POTEH: variants seen among roughly 807,000 people sequenced by gnomAD.
POTEH encodes the protein POTE ankyrin domain family member H.
A neutral mutation model predicts 41.7 loss-of-function variants in POTEH; 6 were observed. The ratio of observed to expected loss-of-function variants is 0.14; its 90% CI spans 0.08 to 0.28. The LOEUF (loss-of-function observed/expected upper bound fraction) is 0.28, where lower values mean the gene tolerates loss of function less well. Ranked by LOEUF, POTEH falls within the 10% of genes least tolerant of loss-of-function variation. The pLI, the probability that POTEH is intolerant of heterozygous loss-of-function variation, is 1.00. For synonymous variants in POTEH, 38 were observed against 179.9 expected, an observed-to-expected ratio of 0.21 and a Z score of 6.31; for missense variants, 115 against 533.5, an observed-to-expected ratio of 0.22 and a Z score of 7.73.
At chr22:15,692,167 G>T (rs1298386559) in intron 1 of POTEH, among the ~76,000 whole-genome samples, 1 of 131,524 alleles carries the variant, frequency 7.6e-6, no homozygotes, top group East Asian at 2.1e-4. Context: ...ACCACACCTG[G>T]CTAATTGTTT....
In POTEH at chr22:15,691,535, A is replaced by C. The variant is rs539859656; in HGVS notation, c.632+826A>C. ...AGCAAGACTCCGTCTCAAAAAAAAA[A>C]AAAAAAAAAAGTGAGCTTTTTCTAT... On this transcript the variant is annotated intron_variant, in intron 1 of 10. Transcript: ENST00000343518. Among the ~76,000 whole-genome samples the C allele has an allele frequency of 5.1e-5, 7 of 138,168 alleles. No homozygotes were observed. The East Asian group carries it at 1.4e-3, about 28-fold the overall frequency. 90.6% of individuals were successfully genotyped at this position (138,168 alleles called of 152,430 possible).
At chr22:15,711,465 T>C (rs1209965389) in intron 9 of POTEH, among the ~76,000 whole-genome samples, 4 of 150,334 alleles carry the variant, frequency 2.7e-5, no homozygotes, top group African/African-American at 9.9e-5. Flanking sequence ...TGAGTTCTCA[T>C]GTTTAGTTCC....
chr22:15,721,589 G>GCATATAATGCATA lies in POTEH; in HGVS notation c.*305_*306insCATATAATGCATA. On this transcript the variant is annotated 3_prime_UTR_variant, in exon 11 of 11. Transcript: ENST00000343518. ...CCCCCGGGCTGTCTTCCCTTCCATC[G>GCATATAATGCATA]TGGGGTGCCCCAGGCACCAGAACAT... The GCATATAATGCATA allele has an allele frequency of 6.6e-7, 1 of 1,521,176 alleles. No individual in the cohort carries two copies. Among genetic ancestry groups the GCATATAATGCATA allele is most frequent in the Non-Finnish European group, 8.9e-7 (1 of 1,125,560 alleles). The allele number at this position is 1,521,176 out of a possible 1,614,324, so 94.2% of individuals were successfully genotyped here.
At chr22:15,699,180 C>G (rs1359341941) in intron 4 of POTEH, among the ~76,000 whole-genome samples, 3 of 146,624 alleles carry the variant, frequency 2.0e-5, no homozygotes, top group Non-Finnish European at 4.5e-5. Context: ...ATCCTTTTGT[C>G]TTTTCAATGA....
chr22:15,691,951 A>G (rs1166322982), intron 1 of POTEH, among the ~76,000 whole-genome samples: 1 of 146,102 alleles, frequency 6.8e-6, no homozygotes, highest in Non-Finnish European at 1.5e-5. Context: ...ACATACCAGA[A>G]GAAAACACAA....
intron 9 of POTEH, among the ~76,000 whole-genome samples, chr22:15,716,658 AATT>A (rs1474543743): frequency 2.8e-5 from 1 of 36,302 alleles, no homozygotes; most frequent in Non-Finnish European, 5.4e-5. Context: ...CACTAATAAA[AATT>A]ATTATTTTGA....
chr22:15,692,009 A>AAATAAAAC (rs1409431481), intron 1 of POTEH, among the ~76,000 whole-genome samples: 163 of 128,330 alleles, frequency 1.3e-3, no homozygotes, highest in Non-Finnish European at 1.3e-3. Context: ...TATATATATA[A>AAATAAAAC]ATTTCTTTTT....
At chr22:15,692,944 AATAG>A (rs1362833058) in intron 1 of POTEH, among the ~76,000 whole-genome samples, 3 of 124,774 alleles carry the variant, frequency 2.4e-5, no homozygotes, top group African/African-American at 8.6e-5. Flanking sequence ...ATCTTCACCA[AATAG>A]ATGTCTGTTT....
At chr22:15,692,494 G>A (rs1364650282) in intron 1 of POTEH, among the ~76,000 whole-genome samples, 104 of 143,032 alleles carry the variant, frequency 7.3e-4, no homozygotes, top group African/African-American at 2.6e-3. Flanking sequence ...AGTGGCTTAC[G>A]CCTGTTACCC....
rs1989337076 is a variant in POTEH, at chr22:15,692,237, C to A, written c.632+1528C>A. On this transcript the variant is annotated intron_variant, in intron 1 of 10. Coordinates refer to ENST00000343518, the MANE Select transcript of POTEH (RefSeq NM_001136213.1). ...GGCCAGGCTGGTCTTGAACTCCTGT[C>A]CTCGTGATCCACCCACCTTGGCCTC... Among the ~76,000 whole-genome samples, 2 of 140,822 alleles carry A rather than the reference C, an allele frequency of 1.4e-5. 1 individual carries two copies. Among genetic ancestry groups the A allele is most frequent in the South Asian group, 4.5e-4 (2 of 4,414 alleles). 92.4% of individuals were successfully genotyped at this position (140,822 alleles called of 152,430 possible).
chr22:15,690,104 G>A lies in POTEH; in HGVS notation c.27G>A (p.Pro9=), dbSNP rs201564672. The A allele has an allele frequency of 1.2e-4, 169 of 1,402,304 alleles. 14 individuals are homozygous for A. The highest frequency in any genetic ancestry group is 3.2e-4 in the Admixed American group (16 of 50,744). 86.9% of individuals were successfully genotyped at this position (1,402,304 alleles called of 1,614,324 possible). Residue 9 remains proline, a synonymous_variant, in exon 1 of 11, where the codon CCG becomes CCA. Coordinates refer to ENST00000343518, the MANE Select transcript of POTEH (RefSeq NM_001136213.1). MVAEAGSM[P]AASSVKKPFG... Reference sequence around the variant, plus strand: ...TGGTGGCTGAGGCTGGTTCAATGCCGGCTGCCTCCTCTGTGAAGAAGCCAT... The same window carrying A: ...TGGTGGCTGAGGCTGGTTCAATGCCAGCTGCCTCCTCTGTGAAGAAGCCAT...
At chr22:15,697,136 T>A (rs1189624724) in intron 3 of POTEH, among the ~76,000 whole-genome samples, 1 of 145,892 alleles carries the variant, frequency 6.9e-6, no homozygotes, top group African/African-American at 2.6e-5. Context: ...AGTCTAGCCT[T>A]GTCAACATAA....
Position 15,690,945 on chromosome 22 carries a change from G to A in POTEH, c.632+236G>A, listed in dbSNP as rs1366124626. Among the ~76,000 whole-genome samples the A allele has an allele frequency of 2.3e-5, 3 of 129,978 alleles. No homozygotes were observed. The Admixed American group carries it at 2.4e-4, about 10-fold the overall frequency. 85.3% of individuals were successfully genotyped at this position (129,978 alleles called of 152,430 possible). A position where few individuals can be genotyped will look rare whatever the true frequency, so the allele number is the denominator to read the frequency against. On this transcript the variant is annotated intron_variant, in intron 1 of 10. Transcript: ENST00000343518. The stretch of plus-strand genomic sequence containing the variant: ...TTCCTTCCTAGAACACGAATAGACT[G>A]TTTTGAAGTGATTTAACTCGCAACG...
chr22:15,714,341 C>G (rs10154295), intron 9 of POTEH, among the ~76,000 whole-genome samples: 306 of 152,050 alleles, frequency 2.0e-3, no homozygotes, highest in African/African-American at 7.1e-3. Flanking sequence ...CATTCCCCTG[C>G]CCCAGCCCTT....
At chr22:15,717,491 G>T (rs1347045736) in intron 9 of POTEH, among the ~76,000 whole-genome samples, 1 of 104,312 alleles carries the variant, frequency 9.6e-6, no homozygotes, top group Admixed American at 1.1e-4. Flanking sequence ...TGGCCATTCT[G>T]GCTGCAGCGA....
In POTEH at chr22:15,695,815, C is replaced by G. The variant is rs1359094406; in HGVS notation, c.918C>G (p.Asn306Lys). The change falls in exon 3 of 11, where the codon AAC (asparagine) becomes AAG (lysine). Residue 306 changes from asparagine to lysine, a missense_variant. Transcript: ENST00000343518. ...LLYGADIESK[N>K]KHGLTPLLLG... ...ACGGTGCTGATATCGAATCAAAAAA[C>G]AAGGTATAGATCTACCAATTTTATC... The G allele has an allele frequency of 7.2e-5, 1 of 13,884 alleles. No homozygotes were observed. Among genetic ancestry groups the G allele is most frequent in the African/African-American group, 6.4e-4 (1 of 1,558 alleles). The allele number at this position is 13,884 out of a possible 1,614,324, so 0.9% of individuals were successfully genotyped here.
rs1989251560 is a variant in POTEH at position 15,690,043 on chromosome 22, G to A, written c.-35G>A. 7.2e-7 allele frequency: 1 copy of A among 1,397,184 alleles called. No individual in the cohort carries two copies. The highest frequency in any genetic ancestry group is 9.9e-7 in the Non-Finnish European group (1 of 1,007,706). 86.5% of individuals were successfully genotyped at this position (1,397,184 alleles called of 1,614,324 possible). A position where few individuals can be genotyped will look rare whatever the true frequency, so the allele number is the denominator to read the frequency against. On this transcript the variant is annotated 5_prime_UTR_variant, in exon 1 of 11. Transcript: ENST00000343518. The stretch of plus-strand genomic sequence containing the variant: ...AACTGGTTGGTAGACGCGATCTGCT[G>A]GCTACTACCGGCCTTCCCTGGCTGT...
At chr22:15,713,498 C>A (rs1322075555) in intron 9 of POTEH, among the ~76,000 whole-genome samples, 3 of 151,898 alleles carry the variant, frequency 2.0e-5, no homozygotes, top group African/African-American at 7.3e-5. Flanking sequence ...TCTTCTTTCT[C>A]ATGACATTTT....
intron 9 of POTEH, among the ~76,000 whole-genome samples, chr22:15,711,941 TG>T (rs1345764608): frequency 5.7e-5 from 6 of 106,168 alleles, no homozygotes; most frequent in Non-Finnish European, 8.8e-5. Flanking sequence ...TAGGAGTTCT[TG>T]TTAAAATTCT....
Sources: gnomAD v4.1 joint callset for allele counts (sites outside exome capture counted in the v4.1 genomes callset) on GRCh38, gnomAD v4.1.1 for gene constraint, MANE v1.5 for transcripts, NCBI Gene and HGNC (gene_info 2026-07-23, HGNC 2026-07-21) for gene names.